REEP5: variants seen among roughly 807,000 people sequenced by gnomAD.
The protein encoded by REEP5 is receptor expression-enhancing protein 5.
Under a neutral mutation model 22.4 loss-of-function variants are expected in REEP5, and 24 were observed. The observed-to-expected ratio is 1.07, with a 90% confidence interval of 0.78 to 1.51. The LOEUF (loss-of-function observed/expected upper bound fraction) is 1.51, where lower values mean the gene tolerates loss of function less well. Ranked by LOEUF, REEP5 falls within the 40% of genes most tolerant of loss-of-function variation. REEP5 has a pLI of 0.00. For synonymous variants in REEP5, 103 were observed against 88.6 expected (o/e 1.16, Z -0.92); for missense variants, 252 against 233.0 (o/e 1.08, Z -0.53).
chr5:112,879,150 C>G (rs540643946), intron 4 of REEP5, among the ~76,000 whole-genome samples: 1 of 152,206 alleles, frequency 6.6e-6, no homozygotes, highest in African/African-American at 2.4e-5. Context: ...GCAGAGATTC[C>G]TTAAGAGTAG....
intron 2 of REEP5, among the ~76,000 whole-genome samples, chr5:112,919,709 C>A (rs1045950811): frequency 5.9e-5 from 9 of 152,136 alleles, no homozygotes; most frequent in African/African-American, 1.4e-4. Context: ...AGGGAGCAAG[C>A]CCTCACCGGA....
At chr5:112,912,166 A>G (rs554969579) in intron 2 of REEP5, among the ~76,000 whole-genome samples, 1 of 152,288 alleles carries the variant, frequency 6.6e-6, no homozygotes, top group South Asian at 2.1e-4. Flanking sequence ...ACTGAATTTT[A>G]TAAAAGTTAA....
chr5:112,908,536 T>C (rs1348428264), intron 2 of REEP5, among the ~76,000 whole-genome samples: 4 of 151,920 alleles, frequency 2.6e-5, no homozygotes, highest in Non-Finnish European at 5.9e-5. Context: ...CTAATAATTT[T>C]TTTTTTTAAG....
intron 2 of REEP5, among the ~76,000 whole-genome samples, chr5:112,912,895 A>G (rs1489298181): frequency 2.0e-5 from 3 of 152,246 alleles, no homozygotes; most frequent in Non-Finnish European, 4.4e-5. Context: ...TCTCCTTCAT[A>G]GAAAAAAAGA....
chr5:112,878,973 T>A, intron 4 of REEP5, 138 bp from the exon 5 acceptor site: 2 of 1,379,178 alleles, frequency 1.5e-6, no homozygotes, highest in Non-Finnish European at 2.0e-6. Context: ...CATGTTGGGG[T>A]TTGTGGTCTG....
chr5:112,912,413 G>GA (rs1224459510), intron 2 of REEP5, among the ~76,000 whole-genome samples: 1 of 151,284 alleles, frequency 6.6e-6, no homozygotes, highest in Non-Finnish European at 1.5e-5. Context: ...TGACAGTGTG[G>GA]AAAAAAAAGC....
intron 2 of REEP5, among the ~76,000 whole-genome samples, chr5:112,914,024 C>G (rs1186706678): frequency 6.6e-6 from 1 of 151,494 alleles, no homozygotes; most frequent in Non-Finnish European, 1.5e-5. Flanking sequence ...CACCTGTAGT[C>G]CCAGCTACTC....
At chr5:112,883,091 A>G (rs1463741420) in intron 4 of REEP5, among the ~76,000 whole-genome samples, 2 of 152,182 alleles carry the variant, frequency 1.3e-5, no homozygotes, top group Non-Finnish European at 2.9e-5. Flanking sequence ...AATTATTCCC[A>G]TTAATTTTCA....
At chr5:112,911,294 A>G (rs571834155) in intron 2 of REEP5, among the ~76,000 whole-genome samples, 4 of 152,310 alleles carry the variant, frequency 2.6e-5, no homozygotes, top group African/African-American at 4.8e-5. Context: ...ATTCAAGGTC[A>G]TTATTCTTTA....
intron 2 of REEP5, among the ~76,000 whole-genome samples, chr5:112,919,104 G>A (rs187302647): frequency 1.3e-4 from 20 of 152,286 alleles, no homozygotes; most frequent in Non-Finnish European, 2.9e-4. Context: ...CTCTGGCTAG[G>A]GAGCATAAGA....
At chr5:112,905,930 A>G (rs918093764) in intron 2 of REEP5, among the ~76,000 whole-genome samples, 1 of 152,192 alleles carries the variant, frequency 6.6e-6, no homozygotes, top group Non-Finnish European at 1.5e-5. Context: ...GGATACTTAT[A>G]TACCTTCTGA....
rs1768509261 is a variant in REEP5 at position 112,892,527 on chromosome 5, G to A, written c.352-5344C>T. 3.1e-6 allele frequency: 5 copies of A among 1,614,074 alleles called. No homozygotes were observed. In the African/African-American group the frequency reaches 4.0e-5, roughly 13 times the overall value. On this transcript the variant is annotated intron_variant, in intron 3 of 4. Coordinates refer to ENST00000379638, the MANE Select transcript of REEP5 (RefSeq NM_005669.5). ...CCCTTTCTCTGTTTAACGGACGATG[G>A]TATGCAGGACGACAGCTGCAATGTG...
chr5:112,912,346 C>A (rs1769123103), intron 2 of REEP5, among the ~76,000 whole-genome samples: 1 of 152,126 alleles, frequency 6.6e-6, no homozygotes, highest in Non-Finnish European at 1.5e-5. Flanking sequence ...TATGTCTTCA[C>A]AGCATTGGCT....
chr5:112,921,589 G>A (rs1043145372), intron 1 of REEP5: 4 of 365,434 alleles, frequency 1.1e-5, no homozygotes, highest in Non-Finnish European at 2.0e-5. Context: ...CTCCAGCCTG[G>A]GAAGCTGCGC....
At chr5:112,910,296 C>T (rs1184854757) in intron 2 of REEP5, among the ~76,000 whole-genome samples, 2 of 151,802 alleles carry the variant, frequency 1.3e-5, no homozygotes, top group Non-Finnish European at 2.9e-5. Flanking sequence ...AGCAGGACTC[C>T]ATCTCAAAAA....
intron 3 of REEP5, chr5:112,892,316 C>A: frequency 6.2e-7 from 1 of 1,614,120 alleles, no homozygotes; most frequent in Middle Eastern, 1.6e-4. Flanking sequence ...GACTATGACC[C>A]TGACGCAAGC....
intron 3 of REEP5, among the ~76,000 whole-genome samples, chr5:112,887,411 C>T (rs529927884): frequency 5.9e-4 from 90 of 152,274 alleles, no homozygotes; most frequent in African/African-American, 2.1e-3. Context: ...AAAGGTAAAA[C>T]ACACCAGGTC....
chr5:112,912,001 CTA>C (rs1455573588), intron 2 of REEP5, among the ~76,000 whole-genome samples: 1 of 152,140 alleles, frequency 6.6e-6, no homozygotes, highest in African/African-American at 2.4e-5. Flanking sequence ...AGTTAAAGAA[CTA>C]TGACTATGAT....
chr5:112,916,844 T>TA (rs1359696225), intron 2 of REEP5, among the ~76,000 whole-genome samples: 1 of 152,182 alleles, frequency 6.6e-6, no homozygotes, highest in African/African-American at 2.4e-5. Context: ...TCCTCATCTG[T>TA]AAAAATGGGA....
Sources: allele counts gnomAD v4.1 joint callset (sites outside exome capture counted in the v4.1 genomes callset), GRCh38; gene constraint gnomAD v4.1.1; transcripts MANE v1.5; gene names NCBI Gene and HGNC (gene_info 2026-07-23, HGNC 2026-07-21).